The following VRK1 variants were observed in gnomAD, a reference collection of about 807,000 sequenced individuals.
VRK1 encodes the protein serine/threonine-protein kinase VRK1.
VRK1 carries 33 observed loss-of-function variants against 57.1 expected under a neutral mutation model. The observed-to-expected ratio is 0.58, with a 90% confidence interval of 0.44 to 0.77. VRK1 has a LOEUF of 0.77. Ranked by LOEUF, VRK1 falls within the 30% of genes least tolerant of loss-of-function variation. The pLI, the probability that VRK1 is intolerant of heterozygous loss-of-function variation, is 0.00. For synonymous variants in VRK1, 137 were observed against 147.8 expected (o/e 0.93, Z 0.53); for missense variants, 413 against 477.3 (o/e 0.87, Z 1.25).
chr14:96,867,134 A>G (rs1385389836), intron 11 of VRK1, among the ~76,000 whole-genome samples: 1 of 152,112 alleles, frequency 6.6e-6, no homozygotes, highest in Non-Finnish European at 1.5e-5. Flanking sequence ...TCATGAGTCT[A>G]ACGTATTTTG....
At chr14:96,870,179 G>T (rs1888762060) in intron 11 of VRK1, among the ~76,000 whole-genome samples, 1 of 151,968 alleles carries the variant, frequency 6.6e-6, no homozygotes. Context: ...TATAACTTTT[G>T]CAGCATGCCT....
At chr14:96,806,022 A>AT (rs1885864043) in intron 1 of VRK1, among the ~76,000 whole-genome samples, 1 of 134,894 alleles carries the variant, frequency 7.4e-6, no homozygotes. Flanking sequence ...GCAAGCTCTT[A>AT]TAGTGCTATG....
At chr14:96,836,099 C>T (rs1887201411) in intron 2 of VRK1, among the ~76,000 whole-genome samples, 1 of 152,122 alleles carries the variant, frequency 6.6e-6, no homozygotes, top group East Asian at 1.9e-4. Flanking sequence ...CCCTTTGGCT[C>T]TTGATCTTTG....
At chr14:96,857,929 G>C (rs560625777) in intron 10 of VRK1, among the ~76,000 whole-genome samples, 75 of 152,250 alleles carry the variant, frequency 4.9e-4, no homozygotes, top group African/African-American at 1.6e-3. Flanking sequence ...TTATAGAAAT[G>C]GAGTTAATAC....
intron 8 of VRK1, 142 bp from the exon 9 acceptor site, chr14:96,855,988 C>A: frequency 2.2e-6 from 2 of 930,096 alleles, no homozygotes; most frequent in Non-Finnish European, 3.2e-6. Flanking sequence ...ATGTTCAGTA[C>A]CTAGGTGAAA....
At chr14:96,863,356 G>C (rs574081321) in intron 11 of VRK1, among the ~76,000 whole-genome samples, 2 of 152,180 alleles carry the variant, frequency 1.3e-5, no homozygotes, top group Non-Finnish European at 2.9e-5. Flanking sequence ...TCTAGTTTAT[G>C]TACCTGATCT....
intron 2 of VRK1, among the ~76,000 whole-genome samples, chr14:96,835,728 T>C (rs967508041): frequency 6.6e-6 from 1 of 152,198 alleles, no homozygotes; most frequent in Non-Finnish European, 1.5e-5. Context: ...ATATCCTAGT[T>C]CCTTTTCTAG....
chr14:96,802,412 A>G (rs770971442), intron 1 of VRK1, among the ~76,000 whole-genome samples: 8 of 152,232 alleles, frequency 5.3e-5, no homozygotes, highest in Non-Finnish European at 8.8e-5. Flanking sequence ...GCGGTAGAAC[A>G]CCACCATCAA....
chr14:96,816,997 T>C (rs1256400609), intron 1 of VRK1, among the ~76,000 whole-genome samples: 1 of 152,222 alleles, frequency 6.6e-6, no homozygotes, highest in Non-Finnish European at 1.5e-5. Context: ...AAAAAGTACC[T>C]GTTAAAAGTA....
intron 10 of VRK1, among the ~76,000 whole-genome samples, chr14:96,856,900 G>A (rs760392149): frequency 3.3e-5 from 5 of 152,030 alleles, no homozygotes; most frequent in Admixed American, 6.6e-5. Context: ...CCCGGGAGGC[G>A]GAGGTTGCAG....
Position 96,833,476 on chromosome 14 carries a change from C to T in VRK1, c.5C>T (p.Pro2Leu). The T allele has an allele frequency of 1.2e-6, 2 of 1,613,372 alleles. No homozygotes were observed. The highest frequency in any genetic ancestry group is 8.5e-7 in the Non-Finnish European group (1 of 1,179,628). ...TTGTTTTATGTTATAGTGAAAATGC[C>T]TCGTGTAAAAGCAGCTCAAGCTGGA... M[P>L]RVKAAQAGRQ... Residue 2 changes from proline to leucine, a missense_variant, in exon 2 of 13, where the codon CCT becomes CTT. By Grantham distance (98) the Pro-to-Leu change is moderately conservative. Coordinates refer to ENST00000216639, the MANE Select transcript of VRK1 (RefSeq NM_003384.3).
chr14:96,809,795 A>G (rs1488334446), intron 1 of VRK1, among the ~76,000 whole-genome samples: 1 of 151,272 alleles, frequency 6.6e-6, no homozygotes, highest in Non-Finnish European at 1.5e-5. Flanking sequence ...CTGGACTCCA[A>G]CTCCTGACCT....
At chr14:96,867,786 C>T (rs933437533) in intron 11 of VRK1, among the ~76,000 whole-genome samples, 4 of 152,034 alleles carry the variant, frequency 2.6e-5, no homozygotes, top group African/African-American at 9.7e-5. Context: ...TTTGTTACAT[C>T]TGTTTTGTTT....
Position 96,865,233 on chromosome 14 carries a change from T to C in VRK1, c.1068+4498T>C, listed in dbSNP as rs751086696. ...TCTACAGTTTAACAGAAATTGATTTTGTGCATGGTGTGAGTCAGTATTTGT... is the reference window on the plus strand; with the variant it reads ...TCTACAGTTTAACAGAAATTGATTTCGTGCATGGTGTGAGTCAGTATTTGT... On this transcript the variant is annotated intron_variant, in intron 11 of 12. Transcript: ENST00000216639. 1.6e-4 allele frequency among the ~76,000 whole-genome samples: 24 copies of C among 152,332 alleles called. 1 individual carries two copies. The highest frequency in any genetic ancestry group is 1.2e-3 in the South Asian group (6 of 4,820).
intron 1 of VRK1, 35 bp from the exon 2 acceptor site, chr14:96,833,432 T>C: frequency 6.2e-7 from 1 of 1,611,694 alleles, no homozygotes; most frequent in Non-Finnish European, 8.5e-7. Context: ...CTTCTAAGAT[T>C]AGAATTCTGA....
chr14:96,830,971 T>G (rs1886980572), intron 1 of VRK1, among the ~76,000 whole-genome samples: 1 of 152,214 alleles, frequency 6.6e-6, no homozygotes, highest in African/African-American at 2.4e-5. Flanking sequence ...TTTGGCTGGT[T>G]AGTTTTGAGA....
At chr14:96,847,136 T>G (rs1366763581) in intron 4 of VRK1, 121 bp from the exon 5 acceptor site, 2 of 742,538 alleles carry the variant, frequency 2.7e-6, no homozygotes, top group Non-Finnish European at 4.5e-6. Flanking sequence ...TCATTTTCTT[T>G]TTTATGAATA....
chr14:96,808,052 T>C (rs1021414986), intron 1 of VRK1, among the ~76,000 whole-genome samples: 10 of 141,722 alleles, frequency 7.1e-5, no homozygotes, highest in South Asian at 2.3e-4. Flanking sequence ...TGTGTGTGTG[T>C]GTGCATGTGA....
intron 1 of VRK1, among the ~76,000 whole-genome samples, chr14:96,814,140 T>C (rs1036503021): frequency 3.9e-5 from 6 of 152,202 alleles, no homozygotes; most frequent in Non-Finnish European, 8.8e-5. Context: ...TAGGATTAAT[T>C]GAGCAAAAAT....
Sources: gnomAD v4.1 joint callset for allele counts (sites outside exome capture counted in the v4.1 genomes callset) on GRCh38, gnomAD v4.1.1 for gene constraint, MANE v1.5 for transcripts, NCBI Gene and HGNC (gene_info 2026-07-23, HGNC 2026-07-21) for gene names.